Variants in HRH1 observed in about 807,000 individuals in gnomAD.
HRH1 encodes the protein histamine H1 receptor.
Under a neutral mutation model 10.3 loss-of-function variants are expected in HRH1, and 6 were observed. The observed-to-expected ratio is 0.58, with a 90% CI of 0.32 to 1.15. The LOEUF (loss-of-function observed/expected upper bound fraction) is 1.15. HRH1 is among the 50% of genes most tolerant of loss of function. HRH1 has a pLI of 0.05. For missense variants in HRH1, 514 were observed against 615.3 expected (o/e 0.84, Z 1.74); for synonymous variants, 242 against 236.7 (o/e 1.02, Z -0.21).
intron 1 of HRH1, among the ~76,000 whole-genome samples, chr3:11,175,894 C>T (rs926714925): frequency 1.3e-5 from 2 of 152,122 alleles, no homozygotes; most frequent in African/African-American, 2.4e-5. Flanking sequence ...CACATGGGCT[C>T]ACGCCTGTAA....
rs1212163075 is a variant in HRH1, at chr3:11,262,844, T to C, written c.*2343T>C. 1.8e-5 allele frequency: 3 copies of C among 167,120 alleles called. No homozygotes were observed. Among genetic ancestry groups the C allele is most frequent in the Admixed American group, 1.3e-4 (2 of 15,286 alleles). 10.4% of individuals were successfully genotyped at this position (167,120 alleles called of 1,614,324 possible). ...TCTATGCATTATTGTATACAGTGTC[T>C]CTAGTGCTTGTATAGTGTCTGGTAT... On this transcript the variant is annotated 3_prime_UTR_variant, in exon 2 of 2. Coordinates refer to ENST00000431010, the MANE Select transcript of HRH1 (RefSeq NM_001098212.2).
At chr3:11,257,742 A>T (rs1387848603) in intron 1 of HRH1, among the ~76,000 whole-genome samples, 1 of 152,132 alleles carries the variant, frequency 6.6e-6, no homozygotes, top group Non-Finnish European at 1.5e-5. Flanking sequence ...CCCAAGCTGG[A>T]GTGCAGTGAT....
chr3:11,149,077 C>T (rs527346634), intron 1 of HRH1, among the ~76,000 whole-genome samples: 1 of 152,190 alleles, frequency 6.6e-6, no homozygotes, highest in African/African-American at 2.4e-5. Flanking sequence ...GGTTCTCTGC[C>T]CACAGCAGGC....
At chr3:11,188,373 G>A (rs1316240688) in intron 1 of HRH1, among the ~76,000 whole-genome samples, 3 of 152,166 alleles carry the variant, frequency 2.0e-5, no homozygotes, top group African/African-American at 4.8e-5. Context: ...AAGCCGAGGC[G>A]GGTGGATCTC....
chr3:11,140,994 G>A (rs1483884812), intron 1 of HRH1, among the ~76,000 whole-genome samples: 1 of 152,158 alleles, frequency 6.6e-6, no homozygotes, highest in Non-Finnish European at 1.5e-5. Context: ...CAGGGAAGGT[G>A]TTTGTTGCCT....
intron 1 of HRH1, among the ~76,000 whole-genome samples, chr3:11,246,750 A>G (rs1247888377): frequency 6.6e-6 from 1 of 152,214 alleles, no homozygotes; most frequent in African/African-American, 2.4e-5. Context: ...TTTTTAAATA[A>G]AAACAAATCA....
chr3:11,198,864 C>G (rs1248808074), intron 1 of HRH1, among the ~76,000 whole-genome samples: 1 of 151,570 alleles, frequency 6.6e-6, no homozygotes, highest in Non-Finnish European at 1.5e-5. Context: ...TTTTTGAACC[C>G]CACACCACCC....
chr3:11,140,546 C>T (rs1936272908), intron 1 of HRH1, among the ~76,000 whole-genome samples: 1 of 152,156 alleles, frequency 6.6e-6, no homozygotes, highest in Admixed American at 6.5e-5. Flanking sequence ...CTCAAACCCT[C>T]CCAGGCACCA....
At chr3:11,180,948 TACACACACACACACACACACACAC>T (rs71055851) in intron 1 of HRH1, among the ~76,000 whole-genome samples, 5 of 121,040 alleles carry the variant, frequency 4.1e-5, no homozygotes, top group African/African-American at 9.2e-5. Context: ...CTCTCAGGCA[TACACACACACACACACACACACAC>T]ACACACACAC....
chr3:11,205,654 T>G (rs902133138), intron 1 of HRH1, among the ~76,000 whole-genome samples: 1 of 151,616 alleles, frequency 6.6e-6, no homozygotes, highest in Non-Finnish European at 1.5e-5. Flanking sequence ...AGCCCCCAGG[T>G]TCACAGGTTT....
intron 1 of HRH1, among the ~76,000 whole-genome samples, chr3:11,231,443 A>G (rs933091463): frequency 6.6e-6 from 1 of 152,226 alleles, no homozygotes; most frequent in Non-Finnish European, 1.5e-5. Flanking sequence ...ATCATTTTAC[A>G]TTCCCATCAG....
rs779665353 is a variant in HRH1 at position 11,260,263 on chromosome 3, G to T, written c.1226G>T (p.Arg409Leu). 9 of 1,614,160 alleles carry T rather than the reference G, an allele frequency of 5.6e-6. No homozygotes were observed. Among genetic ancestry groups the T allele is most frequent in the Non-Finnish European group, 7.6e-6 (9 of 1,180,024 alleles). ...RQYVSGLHMN[R>L]ERKAAKQLGF... ...TATGTATCTGGGTTGCACATGAACC[G>T]CGAAAGGAAGGCCGCCAAACAGTTG... The change falls in exon 2 of 2, where the codon CGC becomes CTC. Residue 409 changes from arginine (R) to leucine (L), a missense_variant. Arg to Leu is a moderately radical substitution (Grantham distance 102). Transcript: ENST00000431010.
At chr3:11,198,870 C>T (rs1200557907) in intron 1 of HRH1, among the ~76,000 whole-genome samples, 1 of 151,540 alleles carries the variant, frequency 6.6e-6, no homozygotes, top group Non-Finnish European at 1.5e-5. Context: ...AACCCCACAC[C>T]ACCCTGTGTA....
chr3:11,190,958 C>G (rs1013363827), intron 1 of HRH1, among the ~76,000 whole-genome samples: 1 of 152,158 alleles, frequency 6.6e-6, no homozygotes. Flanking sequence ...GCTTCTTGTT[C>G]AGGTCTCCCG....
intron 1 of HRH1, among the ~76,000 whole-genome samples, chr3:11,243,070 C>T (rs367871514): frequency 2.0e-3 from 304 of 152,232 alleles, no homozygotes; most frequent in African/African-American, 6.6e-3. Flanking sequence ...CCTGCCACCA[C>T]GCCTGGCTAA....
At chr3:11,172,704 C>CTTTTTTTTT (rs537415650) in intron 1 of HRH1, among the ~76,000 whole-genome samples, 4,933 of 130,272 alleles carry the variant, frequency 0.038, 368 homozygotes, top group African/African-American at 0.11. Context: ...TTTGGCGAAT[C>CTTTTTTTTT]TTTTTTTTTT....
chr3:11,231,963 C>T (rs1022226137), intron 1 of HRH1, among the ~76,000 whole-genome samples: 4 of 151,362 alleles, frequency 2.6e-5, no homozygotes, highest in East Asian at 1.9e-4. Flanking sequence ...TTACATTTTA[C>T]ACTTAATGGT....
chr3:11,248,622 T>C (rs778091409), intron 1 of HRH1, among the ~76,000 whole-genome samples: 1 of 152,172 alleles, frequency 6.6e-6, no homozygotes, highest in Non-Finnish European at 1.5e-5. Flanking sequence ...GGCATACTGA[T>C]TGGTAAGCTC....
At chr3:11,206,756 A>G (rs1484840534) in intron 1 of HRH1, among the ~76,000 whole-genome samples, 1 of 152,214 alleles carries the variant, frequency 6.6e-6, no homozygotes, top group Non-Finnish European at 1.5e-5. Flanking sequence ...TAAGCCTTCT[A>G]TTCAACCTCT....
Sources: gnomAD v4.1 joint callset for allele counts (sites outside exome capture counted in the v4.1 genomes callset) on GRCh38, gnomAD v4.1.1 for gene constraint, MANE v1.5 for transcripts, NCBI Gene and HGNC (gene_info 2026-07-23, HGNC 2026-07-21) for gene names.